ATM: variants seen among roughly 807,000 people sequenced by gnomAD.
ATM encodes ATM serine/threonine kinase.
In ATM, 308 loss-of-function variants were observed where a neutral mutation model predicts 387.0. The ratio of observed to expected loss-of-function variants is 0.80; its 90% CI spans 0.73 to 0.87. The LOEUF is 0.87. ATM is among the 40% of genes least tolerant of loss of function. The pLI, the probability that ATM is intolerant of heterozygous loss-of-function variation, is 0.00. For missense variants in ATM, 3,312 were observed against 3,560.9 expected, an observed-to-expected ratio of 0.93 and a Z score of 1.78; for synonymous variants, 1,156 against 1,187.3, an observed-to-expected ratio of 0.97 and a Z score of 0.54.
Position 108,284,370 on chromosome 11 carries a change from A to C in ATM, c.3890A>C (p.Tyr1297Ser). The change falls in exon 26 of 63, where the codon TAT becomes TCT. Residue 1297 changes from tyrosine (Y) to serine (S), a missense_variant. Physicochemically the swap from Tyr to Ser is moderately radical, Grantham distance 144. This residue lies in a region of ATM where 1,791 missense variants were observed against 1,804.5 expected (regional missense o/e 0.99). Transcript: ENST00000675843. ...FPKILVNILP[Y>S]FAYEGTRDSG... ...AAGATTCTTGTAAATATTCTTCCTT[A>C]TTTTGCCTATGAGGGTACCAGAGAC... 1 of 1,613,980 alleles carries C rather than the reference A, an allele frequency of 6.2e-7. No individual in the cohort carries two copies.
chr11:108,303,237 G>A (rs1321504076), intron 36 of ATM, among the ~76,000 whole-genome samples: 7 of 152,082 alleles, frequency 4.6e-5, no homozygotes, highest in Non-Finnish European at 1.0e-4. Context: ...TCTAAGGGGT[G>A]CCTTGAATAA....
intron 22 of ATM, among the ~76,000 whole-genome samples, chr11:108,276,957 G>C (rs1252817254): frequency 6.6e-6 from 1 of 152,152 alleles, no homozygotes; most frequent in African/African-American, 2.4e-5. Flanking sequence ...CGCTGAAGCT[G>C]TGCCCACAAC....
chr11:108,304,754 G>T lies in ATM; in HGVS notation c.5576G>T (p.Arg1859Ile), dbSNP rs1060501568. ...CTCCAAGATACAAATGAATCATGGAGAAATCTGCTTTCTACACATGTTCAG... is the reference window on the plus strand; with the variant it reads ...CTCCAAGATACAAATGAATCATGGATAAATCTGCTTTCTACACATGTTCAG... ...ILLQDTNESW[R>I]NLLSTHVQGF... Residue 1859 changes from arginine to isoleucine, a missense_variant, in exon 37 of 63, where the codon AGA becomes ATA. Arg to Ile is a moderately conservative substitution (Grantham distance 97). Around this residue, in one of 4 missense-constraint regions of ATM, gnomAD observed 1,405 missense variants for 1,604.4 expected, o/e 0.88. Coordinates refer to ENST00000675843, the MANE Select transcript of ATM (RefSeq NM_000051.4). 6.2e-7 allele frequency: 1 copy of T among 1,613,982 alleles called. No homozygotes were observed. The highest frequency in any genetic ancestry group is 8.5e-7 in the Non-Finnish European group (1 of 1,179,984).
At chr11:108,355,957 C>T (rs186485803) in intron 61 of ATM, 2 of 152,292 alleles carry the variant, frequency 1.3e-5, no homozygotes, top group East Asian at 3.9e-4. Flanking sequence ...GATTTTGCTA[C>T]AAGGAGTTTG....
chr11:108,352,515 A>G (rs1221563820), intron 59 of ATM, among the ~76,000 whole-genome samples: 1 of 152,242 alleles, frequency 6.6e-6, no homozygotes, highest in Non-Finnish European at 1.5e-5. Flanking sequence ...ATCTAGGGCT[A>G]AACAGAGTTC....
Position 108,325,472 on chromosome 11 carries a change from A to G in ATM, c.6735A>G (p.Glu2245=), listed in dbSNP as rs2136315259. 1 of 1,613,762 alleles carries G rather than the reference A, an allele frequency of 6.2e-7. No homozygotes were observed. Among genetic ancestry groups the G allele is most frequent in the Non-Finnish European group, 8.5e-7 (1 of 1,179,922 alleles). ...MEKEMDNSQR[E]CIKDILTKHL... ...AGGAAATGGACAACTCACAAAGAGAATGTATTAAGGACATTCTCACCAAAC... is the reference window on the plus strand; with the variant it reads ...AGGAAATGGACAACTCACAAAGAGAGTGTATTAAGGACATTCTCACCAAAC... Residue 2245 remains glutamate, a synonymous_variant, in exon 46 of 63, where the codon GAA becomes GAG. Transcript: ENST00000675843.
chr11:108,330,518 A>C, intron 50 of ATM, 97 bp downstream of exon 50: 1 of 1,257,974 alleles, frequency 7.9e-7, no homozygotes, highest in Non-Finnish European at 1.2e-6. Context: ...TTGTATTCCT[A>C]GCACTTGGTC....
intron 56 of ATM, among the ~76,000 whole-genome samples, chr11:108,341,299 C>T (rs1157646837): frequency 6.6e-6 from 1 of 152,160 alleles, no homozygotes; most frequent in Non-Finnish European, 1.5e-5. Flanking sequence ...GCTTCTGCTG[C>T]AGTGTTACCC....
chr11:108,304,881 C>T lies in ATM; in HGVS notation c.5674+29C>T, dbSNP rs1300496518. Reference sequence around the variant, plus strand: ...TTCTATTAAATTTTTAACATTAATACTGTAAACTCAGTTCTAGAGAAAGAT... The same window carrying T: ...TTCTATTAAATTTTTAACATTAATATTGTAAACTCAGTTCTAGAGAAAGAT... On this transcript the variant is annotated intron_variant, in intron 37 of 62. Coordinates refer to ENST00000675843, the MANE Select transcript of ATM (RefSeq NM_000051.4). 1.9e-6 allele frequency: 3 copies of T among 1,604,740 alleles called. No homozygotes were observed. In the South Asian group the frequency reaches 3.3e-5, roughly 18 times the overall value.
chr11:108,261,639 C>T (rs1431758179), intron 16 of ATM, among the ~76,000 whole-genome samples: 1 of 152,160 alleles, frequency 6.6e-6, no homozygotes, highest in Admixed American at 6.5e-5. Flanking sequence ...TGGAGAATGA[C>T]TTTGACGAGC....
intron 54 of ATM, 24 bp from the exon 55 acceptor site, chr11:108,334,945 C>G (rs2136650352): frequency 6.2e-7 from 1 of 1,604,134 alleles, no homozygotes; most frequent in Non-Finnish European, 8.5e-7. Context: ...GACCTATTAT[C>G]AATCATGTTT....
chr11:108,278,498 T>A (rs962047302), intron 22 of ATM, among the ~76,000 whole-genome samples: 5 of 152,172 alleles, frequency 3.3e-5, no homozygotes, highest in African/African-American at 1.2e-4. Context: ...TTGTTAGATT[T>A]TGTCTTAGTC....
chr11:108,363,332 G>C (rs2137786636), intron 61 of ATM, among the ~76,000 whole-genome samples: 1 of 152,238 alleles, frequency 6.6e-6, no homozygotes, highest in East Asian at 1.9e-4. Flanking sequence ...TAACCTGGGT[G>C]TATTTCCCTT....
At chr11:108,291,899 C>T (rs1326603064) in intron 29 of ATM, among the ~76,000 whole-genome samples, 1 of 152,058 alleles carries the variant, frequency 6.6e-6, no homozygotes, top group East Asian at 1.9e-4. Flanking sequence ...CTGAATTCCC[C>T]CTAATTTGTG....
At position 108,300,815 on chromosome 11, in the gene ATM, C is replaced by A. The variant is rs534334649; in HGVS notation, c.5178-833C>A. On this transcript the variant is annotated intron_variant, in intron 34 of 62. Transcript: ENST00000675843. Reference sequence around the variant, plus strand: ...TATAGTATCTATATTTTATGCTGTCCTTGCTTAATCACTTCTAGCCATCCG... The same window carrying A: ...TATAGTATCTATATTTTATGCTGTCATTGCTTAATCACTTCTAGCCATCCG... Among the ~76,000 whole-genome samples the A allele has an allele frequency of 3.2e-4, 49 of 151,468 alleles. 1 individual carries two copies. Among genetic ancestry groups the A allele is most frequent in the Admixed American group, 2.9e-3 (44 of 15,216 alleles).
rs1565390124 is a variant in ATM, at chr11:108,253,897, A to G, written c.1982A>G (p.Asp661Gly). 1 of 1,614,070 alleles carries G rather than the reference A, an allele frequency of 6.2e-7. No individual in the cohort carries two copies. The highest frequency in any genetic ancestry group is 8.5e-7 in the Non-Finnish European group (1 of 1,179,970). Residue 661 changes from aspartate to glycine, a missense_variant, in exon 13 of 63, where the codon GAC (aspartate) becomes GGC (glycine). By Grantham distance (94) the Asp-to-Gly change is moderately conservative (BLOSUM62 -1). Transcript: ENST00000675843. ...LFLQTTFDKM[D>G]FLTIVRECGI... ...CTTCAGACAACTTTTGACAAGATGG[A>G]CTTTTTAACCATTGTGAGAGAATGT...
At chr11:108,260,981 G>A (rs1014494185) in intron 16 of ATM, among the ~76,000 whole-genome samples, 2 of 151,264 alleles carry the variant, frequency 1.3e-5, no homozygotes, top group African/African-American at 4.9e-5. Flanking sequence ...TGGCTCGGAG[G>A]GTCCTACGCC....
At position 108,360,317 on chromosome 11, in the gene ATM, CAA is replaced by C. The variant is rs1197468527; in HGVS notation, c.8851-4761_8851-4760del. Among the ~76,000 whole-genome samples the C allele has an allele frequency of 4.7e-5, 7 of 150,354 alleles. No individual in the cohort carries two copies. In the East Asian group the frequency reaches 1.2e-3, roughly 26 times the overall value. ...TGGCAATAATCAATAGTTTACCAAA[CAA>C]AAAGAGTCCAGGACCAGATGGATTC... On this transcript the variant is annotated intron_variant, in intron 61 of 62. Coordinates refer to ENST00000675843, the MANE Select transcript of ATM (RefSeq NM_000051.4).
At chr11:108,233,569 C>CAAA (rs531411723) in intron 4 of ATM, among the ~76,000 whole-genome samples, 7 of 50,890 alleles carry the variant, frequency 1.4e-4, no homozygotes, top group African/African-American at 3.5e-4. Flanking sequence ...ATCCTGTGTC[C>CAAA]AAAAAAAAAA....
Sources: allele counts gnomAD v4.1 joint callset (sites outside exome capture counted in the v4.1 genomes callset), GRCh38; gene constraint gnomAD v4.1.1; regional missense constraint gnomAD v4.1.1; transcripts MANE v1.5; gene names NCBI Gene and HGNC (gene_info 2026-07-23, HGNC 2026-07-21).